Variants in ARHGAP20 observed in about 807,000 individuals in gnomAD.
ARHGAP20 encodes the protein rho GTPase-activating protein 20.
In ARHGAP20, 34 loss-of-function variants were observed where a neutral mutation model predicts 73.7. The ratio of observed to expected loss-of-function variants is 0.46; its 90% confidence interval spans 0.35 to 0.61. The LOEUF (loss-of-function observed/expected upper bound fraction) is 0.61, where lower values mean the gene tolerates loss of function less well. Ranked by LOEUF, ARHGAP20 falls within the 20% of genes least tolerant of loss-of-function variation. ARHGAP20 has a pLI of 0.00. For synonymous variants in ARHGAP20, 523 were observed against 518.2 expected, an observed-to-expected ratio of 1.01 and a Z score of -0.13; for missense variants, 1,314 against 1,420.9, an observed-to-expected ratio of 0.92 and a Z score of 1.21.
At chr11:110,644,046 C>T (rs1949132091) in intron 2 of ARHGAP20, among the ~76,000 whole-genome samples, 2 of 151,906 alleles carry the variant, frequency 1.3e-5, no homozygotes, top group South Asian at 2.1e-4. Flanking sequence ...GTCAAGAATG[C>T]CATTCATTTA....
intron 11 of ARHGAP20, among the ~76,000 whole-genome samples, chr11:110,590,229 A>G (rs1947790695): frequency 6.6e-6 from 1 of 152,182 alleles, no homozygotes; most frequent in Admixed American, 6.5e-5. Flanking sequence ...TTATTATGGC[A>G]AACTTCTTTA....
At chr11:110,581,850 T>C (rs944723273) in intron 14 of ARHGAP20, among the ~76,000 whole-genome samples, 2 of 150,462 alleles carry the variant, frequency 1.3e-5, no homozygotes, top group Admixed American at 6.7e-5. Flanking sequence ...CCACCTCAAA[T>C]GATGCTAGTT....
chr11:110,633,705 G>A (rs1403955494), intron 2 of ARHGAP20, among the ~76,000 whole-genome samples: 7 of 152,116 alleles, frequency 4.6e-5, no homozygotes, highest in East Asian at 1.9e-4. Flanking sequence ...GTTGTAAGTC[G>A]AGGAGCATCT....
At position 110,630,813 on chromosome 11, in the gene ARHGAP20, C is replaced by T. The variant is rs368015482; in HGVS notation, c.189-21G>A. 58 of 1,603,742 alleles carry T rather than the reference C, an allele frequency of 3.6e-5. 1 individual carries two copies. Among genetic ancestry groups the T allele is most frequent in the Non-Finnish European group, 4.5e-5 (53 of 1,174,834 alleles). On this transcript the variant is annotated intron_variant, in intron 2 of 14. Transcript: ENST00000683387. The stretch of plus-strand genomic sequence containing the variant: ...TGTCCCTGTAACAGATCAAATGCCA[C>T]AGATCAGTCAAACGATCATCTTATA...
chr11:110,657,582 G>A (rs546673422), intron 2 of ARHGAP20, among the ~76,000 whole-genome samples: 1 of 152,186 alleles, frequency 6.6e-6, no homozygotes, highest in South Asian at 2.1e-4. Context: ...GGTAAAGGGA[G>A]GCAAACAGAC....
chr11:110,655,968 G>C (rs1187251498), intron 2 of ARHGAP20, among the ~76,000 whole-genome samples: 1 of 152,110 alleles, frequency 6.6e-6, no homozygotes, highest in South Asian at 2.1e-4. Context: ...CGAGACATGA[G>C]AACAACTTTA....
intron 2 of ARHGAP20, among the ~76,000 whole-genome samples, chr11:110,640,148 A>T (rs1949050161): frequency 6.6e-6 from 1 of 151,972 alleles, no homozygotes; most frequent in South Asian, 2.1e-4. Flanking sequence ...TAAAAATAAA[A>T]TTTTTTAACT....
chr11:110,680,131 A>T (rs1950010271), intron 2 of ARHGAP20, among the ~76,000 whole-genome samples: 1 of 152,172 alleles, frequency 6.6e-6, no homozygotes, highest in African/African-American at 2.4e-5. Flanking sequence ...TAACAGTTAC[A>T]ATATGCCAAA....
chr11:110,631,736 C>T (rs112442318), intron 2 of ARHGAP20, among the ~76,000 whole-genome samples: 41 of 152,258 alleles, frequency 2.7e-4, no homozygotes, highest in African/African-American at 9.4e-4. Context: ...TGGCTCCTTG[C>T]CATAAGCCTC....
rs1321872174 is a variant in ARHGAP20, at chr11:110,585,040, TATATATGA to T, written c.1415+1168_1415+1175del. 2.5e-3 allele frequency among the ~76,000 whole-genome samples: 358 copies of T among 145,806 alleles called. 1 individual carries two copies. The highest frequency in any genetic ancestry group is 8.4e-3 in the African/African-American group (321 of 38,422). On this transcript the variant is annotated intron_variant, in intron 12 of 14. Coordinates refer to ENST00000683387, the MANE Select transcript of ARHGAP20 (RefSeq NM_001384657.1). Reference sequence around the variant, plus strand: ...GAACATATATGTGAATATATGTGAATATATATGAATATATGAATATATGTGAACATATA... The same window carrying T: ...GAACATATATGTGAATATATGTGAATATATATGAATATATGTGAACATATA...
intron 10 of ARHGAP20, among the ~76,000 whole-genome samples, chr11:110,591,376 T>C (rs1168401390): frequency 6.6e-6 from 1 of 152,254 alleles, no homozygotes; most frequent in African/African-American, 2.4e-5. Flanking sequence ...ATAAAGTGGC[T>C]AGACAAGTGT....
intron 12 of ARHGAP20, among the ~76,000 whole-genome samples, chr11:110,584,519 C>T (rs1448596688): frequency 6.6e-6 from 1 of 151,316 alleles, no homozygotes; most frequent in African/African-American, 2.4e-5. Flanking sequence ...GTACAATGGA[C>T]TGACAATGAG....
At chr11:110,699,482 C>A (rs1950401977) in intron 1 of ARHGAP20, among the ~76,000 whole-genome samples, 1 of 151,830 alleles carries the variant, frequency 6.6e-6, no homozygotes, top group South Asian at 2.1e-4. Context: ...GATGATCTGT[C>A]CAGTGATATC....
At chr11:110,670,620 T>G (rs1433246044) in intron 2 of ARHGAP20, among the ~76,000 whole-genome samples, 1 of 152,088 alleles carries the variant, frequency 6.6e-6, no homozygotes, top group African/African-American at 2.4e-5. Flanking sequence ...CAATGATAAA[T>G]TCTACCCAAC....
chr11:110,579,235 C>T lies in ARHGAP20; in HGVS notation c.*135G>A, dbSNP rs889583819. 54 of 1,370,690 alleles carry T rather than the reference C, an allele frequency of 3.9e-5. No homozygotes were observed. The Middle Eastern group carries it at 7.8e-4, about 20-fold the overall frequency. 84.9% of individuals were successfully genotyped at this position (1,370,690 alleles called of 1,614,324 possible). A position where few individuals can be genotyped will look rare whatever the true frequency, so the allele number is the denominator to read the frequency against. On this transcript the variant is annotated 3_prime_UTR_variant, in exon 15 of 15. Transcript: ENST00000683387. ...GTAGTCTCAATAAAGAGAATTATTT[C>T]GTTGTCCTAAGTATTAGCAATGATA...
In ARHGAP20 at chr11:110,577,232, A is replaced by C; in HGVS notation, c.*2138T>G. 1 of 1,495,680 alleles carries C rather than the reference A, an allele frequency of 6.7e-7. No individual in the cohort carries two copies. The highest frequency in any genetic ancestry group is 8.9e-7 in the Non-Finnish European group (1 of 1,122,336). 92.7% of individuals were successfully genotyped at this position (1,495,680 alleles called of 1,614,324 possible). ...AAGATATATTATACAAACTCAAAGCATTTTAGATAAAGCATCAGTCTAATA... is the reference window on the plus strand; with the variant it reads ...AAGATATATTATACAAACTCAAAGCCTTTTAGATAAAGCATCAGTCTAATA... On this transcript the variant is annotated 3_prime_UTR_variant, in exon 15 of 15. Coordinates refer to ENST00000683387, the MANE Select transcript of ARHGAP20 (RefSeq NM_001384657.1).
At chr11:110,655,475 C>A (rs1340677259) in intron 2 of ARHGAP20, among the ~76,000 whole-genome samples, 2 of 152,152 alleles carry the variant, frequency 1.3e-5, no homozygotes, top group Non-Finnish European at 2.9e-5. Flanking sequence ...ACGTAAGCTC[C>A]GCAATGCCAA....
At chr11:110,585,114 T>C (rs1167225333) in intron 12 of ARHGAP20, among the ~76,000 whole-genome samples, 1 of 150,026 alleles carries the variant, frequency 6.7e-6, no homozygotes, top group East Asian at 1.9e-4. Flanking sequence ...TATATGTGAA[T>C]ATATATGAAT....
chr11:110,579,848 T>A lies in ARHGAP20; in HGVS notation c.3098A>T (p.His1033Leu). The A allele has an allele frequency of 6.2e-7, 1 of 1,614,200 alleles. No homozygotes were observed. The highest frequency in any genetic ancestry group is 1.1e-5 in the South Asian group (1 of 91,088). ...ACCATTTCTCAACCATGTGCTGGGA[T>A]GAAGAGTTACAGAATGCATTTGTGA... ...WHSQMHSVTLHPSTWLRNGVA... is the reference protein window; with the variant it reads ...WHSQMHSVTLLPSTWLRNGVA... The change falls in exon 15 of 15, where the codon CAT becomes CTT. Residue 1033 changes from histidine (H) to leucine (L), a missense_variant. By Grantham distance (99) the His-to-Leu change is moderately conservative. Coordinates refer to ENST00000683387, the MANE Select transcript of ARHGAP20 (RefSeq NM_001384657.1).
Sources: gnomAD v4.1 joint callset for allele counts (sites outside exome capture counted in the v4.1 genomes callset) on GRCh38, gnomAD v4.1.1 for gene constraint, MANE v1.5 for transcripts, NCBI Gene and HGNC (gene_info 2026-07-23, HGNC 2026-07-21) for gene names.